CCSER1: variants seen among roughly 807,000 people sequenced by gnomAD.
The protein encoded by CCSER1 is coiled-coil serine rich protein 1, also known as serine-rich coiled-coil domain-containing protein 1.
Under a neutral mutation model 82.0 loss-of-function variants are expected in CCSER1, and 41 were observed. That is an observed-to-expected ratio of 0.50 (90% CI 0.39 to 0.65). CCSER1 has a LOEUF of 0.65. Among genes scored for constraint, CCSER1 ranks in the 30% least tolerant of loss-of-function variants. The pLI is 0.00. For missense variants in CCSER1, 1,119 were observed against 1,064.2 expected (o/e 1.05, Z -0.72); for synonymous variants, 414 against 383.9 (o/e 1.08, Z -0.92).
intron 10 of CCSER1, 126 bp from the exon 11 acceptor site, chr4:91,598,446 T>C: frequency 2.0e-6 from 2 of 988,638 alleles, no homozygotes; most frequent in South Asian, 3.9e-5. Flanking sequence ...ATTGTATTGA[T>C]AATTTTATAA....
chr4:90,579,445 T>C (rs1157158193), intron 5 of CCSER1, among the ~76,000 whole-genome samples: 2 of 152,230 alleles, frequency 1.3e-5, no homozygotes, highest in Non-Finnish European at 2.9e-5. Context: ...AAATCACTGC[T>C]TTATTTCAGA....
chr4:90,400,780 G>A (rs1056952476), intron 4 of CCSER1, among the ~76,000 whole-genome samples: 1 of 152,068 alleles, frequency 6.6e-6, no homozygotes, highest in African/African-American at 2.4e-5. Flanking sequence ...GTTGGTTATA[G>A]GAATTATTGG....
intron 10 of CCSER1, among the ~76,000 whole-genome samples, chr4:91,316,368 G>A (rs1306845175): frequency 6.6e-6 from 1 of 151,898 alleles, no homozygotes; most frequent in Non-Finnish European, 1.5e-5. Context: ...GTCTTTCTTA[G>A]AGGAGAATTA....
At chr4:90,747,665 A>G (rs981523952) in intron 7 of CCSER1, among the ~76,000 whole-genome samples, 1 of 150,132 alleles carries the variant, frequency 6.7e-6, no homozygotes, top group Admixed American at 6.6e-5. Flanking sequence ...AAATTTTATT[A>G]TTATACTTTA....
At chr4:90,700,835 G>GT (rs930543309) in intron 6 of CCSER1, among the ~76,000 whole-genome samples, 2 of 152,010 alleles carry the variant, frequency 1.3e-5, no homozygotes, top group Non-Finnish European at 2.9e-5. Context: ...TGATGGGGTT[G>GT]TTTTTTTCTT....
At chr4:90,401,066 A>T (rs1752798265) in intron 4 of CCSER1, among the ~76,000 whole-genome samples, 1 of 152,204 alleles carries the variant, frequency 6.6e-6, no homozygotes, top group Non-Finnish European at 1.5e-5. Flanking sequence ...ATATTTGGAT[A>T]ATAGATAATA....
At chr4:91,044,166 C>G (rs569246281) in intron 9 of CCSER1, among the ~76,000 whole-genome samples, 1 of 152,096 alleles carries the variant, frequency 6.6e-6, no homozygotes, top group Non-Finnish European at 1.5e-5. Context: ...AAGGTAAAAT[C>G]CCAGCACTTG....
intron 10 of CCSER1, among the ~76,000 whole-genome samples, chr4:91,511,317 G>T (rs994534402): frequency 1.3e-5 from 2 of 151,896 alleles, no homozygotes; most frequent in African/African-American, 4.8e-5. Flanking sequence ...CTCTTTTGTT[G>T]TTCTATGTGA....
chr4:90,962,148 G>A (rs1183656434), intron 9 of CCSER1, among the ~76,000 whole-genome samples: 1 of 151,908 alleles, frequency 6.6e-6, no homozygotes, highest in African/African-American at 2.4e-5. Context: ...GTTAATAGTG[G>A]ATCCAAGAAT....
intron 1 of CCSER1, among the ~76,000 whole-genome samples, chr4:90,154,350 G>A (rs529946981): frequency 3.9e-5 from 6 of 152,200 alleles, no homozygotes; most frequent in African/African-American, 7.2e-5. Flanking sequence ...TAGGATTGAC[G>A]TGGCGATGCG....
intron 7 of CCSER1, among the ~76,000 whole-genome samples, chr4:90,801,993 G>A (rs778173257): frequency 9.9e-5 from 15 of 151,974 alleles, no homozygotes; most frequent in Non-Finnish European, 1.8e-4. Flanking sequence ...GCCAAGCGGG[G>A]TGGATCACGA....
chr4:91,164,585 G>T (rs180800699), intron 10 of CCSER1, among the ~76,000 whole-genome samples: 199 of 152,202 alleles, frequency 1.3e-3, no homozygotes, highest in African/African-American at 4.6e-3. Flanking sequence ...TGTAGACTTG[G>T]TCTTTTCACA....
intron 9 of CCSER1, among the ~76,000 whole-genome samples, chr4:91,059,310 G>GTA (rs1170575036): frequency 3.2e-4 from 25 of 78,792 alleles, no homozygotes; most frequent in South Asian, 1.1e-3. Context: ...ATATATACGT[G>GTA]TATATATATA....
intron 1 of CCSER1, among the ~76,000 whole-genome samples, chr4:90,279,031 T>C (rs866925699): frequency 9.9e-5 from 15 of 152,224 alleles, no homozygotes; most frequent in African/African-American, 3.6e-4. Context: ...ATTTTTCCTT[T>C]ATTGCCCATG....
At chr4:91,419,356 C>CT (rs1753566956) in intron 10 of CCSER1, among the ~76,000 whole-genome samples, 1 of 151,896 alleles carries the variant, frequency 6.6e-6, no homozygotes, top group African/African-American at 2.4e-5. Context: ...AACTGTCAAG[C>CT]TAATAAATGA....
At chr4:90,247,692 G>A (rs968060416) in intron 1 of CCSER1, among the ~76,000 whole-genome samples, 2 of 151,934 alleles carry the variant, frequency 1.3e-5, no homozygotes, top group Non-Finnish European at 2.9e-5. Flanking sequence ...CAGACTAAAC[G>A]TATAATTAGG....
At chr4:91,429,853 G>A (rs971974862) in intron 10 of CCSER1, among the ~76,000 whole-genome samples, 2 of 151,388 alleles carry the variant, frequency 1.3e-5, no homozygotes, top group African/African-American at 2.4e-5. Flanking sequence ...TGCTTTAAAA[G>A]TTAATTAAGA....
At chr4:90,538,445 T>G (rs1198352783) in intron 5 of CCSER1, among the ~76,000 whole-genome samples, 4 of 152,140 alleles carry the variant, frequency 2.6e-5, no homozygotes, top group African/African-American at 9.7e-5. Flanking sequence ...TAAATAGTTA[T>G]ATTGTTGCCA....
At chr4:90,189,530 A>G (rs541938074) in intron 1 of CCSER1, among the ~76,000 whole-genome samples, 1 of 151,848 alleles carries the variant, frequency 6.6e-6, no homozygotes, top group Non-Finnish European at 1.5e-5. Flanking sequence ...GTGTGTATGT[A>G]TGTATATATA....
Sources: allele counts gnomAD v4.1 joint callset (sites outside exome capture counted in the v4.1 genomes callset), GRCh38; gene constraint gnomAD v4.1.1; transcripts MANE v1.5; gene names NCBI Gene and HGNC (gene_info 2026-07-23, HGNC 2026-07-21).